The following PID1 variants were observed in gnomAD, a reference collection of about 807,000 sequenced individuals.
PID1 encodes phosphotyrosine interaction domain containing 1.
In PID1, 10 loss-of-function variants were observed where a neutral mutation model predicts 19.1. The ratio of observed to expected loss-of-function variants is 0.52; its 90% CI spans 0.32 to 0.89. The LOEUF is 0.89. PID1 is among the 40% of genes least tolerant of loss of function. The pLI is 0.03. For missense variants in PID1, 248 were observed against 285.3 expected (o/e 0.87, Z 0.94); for synonymous variants, 130 against 116.0 (o/e 1.12, Z -0.78).
intron 1 of PID1, among the ~76,000 whole-genome samples, chr2:229,222,660 G>A (rs1238974404): frequency 6.6e-6 from 1 of 152,118 alleles, no homozygotes; most frequent in Admixed American, 6.5e-5. Flanking sequence ...CCAACCTGTT[G>A]AAGGCATGAA....
At chr2:229,063,707 T>C (rs911599432) in intron 2 of PID1, among the ~76,000 whole-genome samples, 5 of 152,108 alleles carry the variant, frequency 3.3e-5, no homozygotes, top group Admixed American at 1.3e-4. Flanking sequence ...ATCTATCCAT[T>C]GCTGAAAGTA....
chr2:229,248,838 C>T (rs1328450021), intron 1 of PID1, among the ~76,000 whole-genome samples: 2 of 152,054 alleles, frequency 1.3e-5, no homozygotes, highest in Non-Finnish European at 2.9e-5. Context: ...CAATGAAAGC[C>T]AAGGGGCCTT....
chr2:229,165,913 A>C (rs1690588262), intron 1 of PID1, among the ~76,000 whole-genome samples: 1 of 152,228 alleles, frequency 6.6e-6, no homozygotes. Context: ...TGAGTTTAGC[A>C]AAGTTGAAGG....
chr2:229,131,895 T>C (rs903508028), intron 2 of PID1, among the ~76,000 whole-genome samples: 4 of 152,102 alleles, frequency 2.6e-5, no homozygotes, highest in Non-Finnish European at 5.9e-5. Flanking sequence ...GACATGAGGG[T>C]GGGCAGAAGA....
chr2:229,198,407 C>A (rs1691423747), intron 1 of PID1, among the ~76,000 whole-genome samples: 2 of 152,046 alleles, frequency 1.3e-5, no homozygotes, highest in Admixed American at 6.6e-5. Context: ...CTCTCCTGAT[C>A]TATGGCTTTA....
chr2:229,098,862 G>A (rs1304090494), intron 2 of PID1, among the ~76,000 whole-genome samples: 1 of 152,158 alleles, frequency 6.6e-6, no homozygotes, highest in Non-Finnish European at 1.5e-5. Context: ...CTCTCGCCAC[G>A]TTCGTGCTTT....
chr2:229,094,593 A>T (rs937268285), intron 2 of PID1, among the ~76,000 whole-genome samples: 7 of 152,286 alleles, frequency 4.6e-5, no homozygotes, highest in African/African-American at 1.7e-4. Flanking sequence ...AAAGTGACAC[A>T]CAAACAAGTG....
rs185185487 is a variant in PID1 at position 229,212,748 on chromosome 2, T to A, written c.31-56784A>T. ...GGTAGTTAATAATTAAGTAATATTG[T>A]CCCCATTTCACATGTGAGAAAATTG... is the stretch of plus-strand genomic sequence containing the variant. On this transcript the variant is annotated intron_variant, in intron 1 of 2. Transcript: ENST00000392055. Among the ~76,000 whole-genome samples, 5 of 152,218 alleles carry A rather than the reference T, an allele frequency of 3.3e-5. No individual in the cohort carries two copies. The East Asian group carries it at 9.7e-4, about 29-fold the overall frequency.
At chr2:229,098,451 A>G (rs899989530) in intron 2 of PID1, among the ~76,000 whole-genome samples, 1 of 152,202 alleles carries the variant, frequency 6.6e-6, no homozygotes, top group Non-Finnish European at 1.5e-5. Context: ...CAATTGACAC[A>G]TATCTAAAGC....
At chr2:229,137,660 A>C (rs1185274165) in intron 2 of PID1, among the ~76,000 whole-genome samples, 1 of 152,352 alleles carries the variant, frequency 6.6e-6, no homozygotes, top group Admixed American at 6.5e-5. Context: ...TAAAGTAACA[A>C]TAAAGATAAG....
chr2:229,206,943 C>T (rs1011379152), intron 1 of PID1, among the ~76,000 whole-genome samples: 7 of 152,146 alleles, frequency 4.6e-5, no homozygotes, highest in African/African-American at 1.4e-4. Flanking sequence ...TAATAGCTTA[C>T]ATTTCTATCA....
At chr2:229,071,812 T>C (rs148310999) in intron 2 of PID1, among the ~76,000 whole-genome samples, 43 of 152,326 alleles carry the variant, frequency 2.8e-4, no homozygotes, top group African/African-American at 1.0e-3. Flanking sequence ...GTAAAAGATA[T>C]TATGGTGAAA....
chr2:229,026,748 T>C (rs963159045), intron 2 of PID1, among the ~76,000 whole-genome samples: 1 of 152,238 alleles, frequency 6.6e-6, no homozygotes, highest in Non-Finnish European at 1.5e-5. Flanking sequence ...CTGATGAGCA[T>C]CTGTTGATCT....
chr2:229,105,907 A>G (rs182754349), intron 2 of PID1, among the ~76,000 whole-genome samples: 2,299 of 152,068 alleles, frequency 0.015, 27 homozygotes, highest in South Asian at 0.036. Flanking sequence ...GTGAAACCCC[A>G]TCTCTACTAA....
At position 229,184,443 on chromosome 2, in the gene PID1, TA is replaced by T. The variant is rs1425764465; in HGVS notation, c.31-28480del. Among the ~76,000 whole-genome samples, 2 of 12,962 alleles carry T rather than the reference TA, an allele frequency of 1.5e-4. 1 individual carries two copies. The highest frequency in any genetic ancestry group is 2.6e-4 in the Non-Finnish European group (2 of 7,804). 8.5% of individuals were successfully genotyped at this position (12,962 alleles called of 152,430 possible). A position where few individuals can be genotyped will look rare whatever the true frequency, so the allele number is the denominator to read the frequency against. On this transcript the variant is annotated intron_variant, in intron 1 of 2. Transcript: ENST00000392055. ...TATATATATAGCCCGTATATATATATAGCCCGTATATATATAGCCCGTATAT... is the reference window on the plus strand; with the variant it reads ...TATATATATAGCCCGTATATATATATGCCCGTATATATATAGCCCGTATAT...
In PID1 at chr2:229,163,665, G is replaced by GTT. The variant is rs1223062213; in HGVS notation, c.31-7702_31-7701insAA. On this transcript the variant is annotated intron_variant, in intron 1 of 2. Transcript: ENST00000392055. ...AGAGAGAGAGAGTGTGTGTGTGTGT[G>GTT]TGTGTGTGTGCGTGTGCGTGTGTGT... Among the ~76,000 whole-genome samples, 3 of 30,398 alleles carry GTT rather than the reference G, an allele frequency of 9.9e-5. No homozygotes were observed. In the Admixed American group the frequency reaches 1.9e-3, roughly 19 times the overall value. 19.9% of individuals were successfully genotyped at this position (30,398 alleles called of 152,430 possible).
Position 229,260,192 on chromosome 2 carries a change from T to C in PID1, c.30+10822A>G, listed in dbSNP as rs1030690490. On this transcript the variant is annotated intron_variant, in intron 1 of 2. Coordinates refer to ENST00000392055, the MANE Select transcript of PID1 (RefSeq NM_001100818.2). ...GTATACTCTGACTCAGCCATATCAA[T>C]TTTGGCAGTTCAGCCTAAAGAAATA... Among the ~76,000 whole-genome samples the C allele has an allele frequency of 5.3e-5, 8 of 152,218 alleles. No homozygotes were observed. In the South Asian group the frequency reaches 1.7e-3, roughly 32 times the overall value.
At chr2:229,260,835 T>TTTTTTTTTTTTTTTTTTTTTTG (rs1690445112) in intron 1 of PID1, among the ~76,000 whole-genome samples, 1 of 150,456 alleles carries the variant, frequency 6.6e-6, no homozygotes. Context: ...TTTTTTTTTT[T>TTTTTTTTTTTTTTTTTTTTTTG]TTTTGGTGGC....
chr2:229,197,224 T>C (rs943119757), intron 1 of PID1, among the ~76,000 whole-genome samples: 1 of 152,082 alleles, frequency 6.6e-6, no homozygotes, highest in African/African-American at 2.4e-5. Flanking sequence ...ATATAAGTAA[T>C]AGTGGCAACT....
Sources: allele counts gnomAD v4.1 joint callset (sites outside exome capture counted in the v4.1 genomes callset), GRCh38; gene constraint gnomAD v4.1.1; transcripts MANE v1.5; gene names NCBI Gene and HGNC (gene_info 2026-07-23, HGNC 2026-07-21).